Variants in ATP1B1 observed in about 807,000 individuals in gnomAD.
The protein encoded by ATP1B1 is sodium/potassium-transporting ATPase subunit beta-1.
Under a neutral mutation model 39.6 loss-of-function variants are expected in ATP1B1, and 3 were observed. The observed-to-expected ratio is 0.08, with a 90% CI of 0.03 to 0.20. The LOEUF (loss-of-function observed/expected upper bound fraction) is 0.20, where lower values mean the gene tolerates loss of function less well. ATP1B1 is among the 10% of genes least tolerant of loss of function. ATP1B1 has a pLI of 1.00. For synonymous variants in ATP1B1, 139 were observed against 135.0 expected (o/e 1.03, Z -0.20); for missense variants, 216 against 371.1 (o/e 0.58, Z 3.43).
Position 169,131,228 on chromosome 1 carries a change from T to TGGGCGCCG in ATP1B1, c.649-64_649-63insGGGCGCCG. On this transcript the variant is annotated intron_variant, in intron 5 of 5. Coordinates refer to ENST00000367815, the MANE Select transcript of ATP1B1 (RefSeq NM_001677.4). The surrounding 1 kb of genome is among the most constrained non-coding windows in gnomAD (Gnocchi z 4.4). ...AACTACTGTGTAGATTGAGTCTTGT[T>TGGGCGCCG]TTTGAGTACACATAGTGATGCATGA... 6.6e-7 allele frequency: 1 copy of TGGGCGCCG among 1,519,040 alleles called. No homozygotes were observed. Among genetic ancestry groups the TGGGCGCCG allele is most frequent in the East Asian group, 2.3e-5 (1 of 42,802 alleles). The allele number at this position is 1,519,040 out of a possible 1,614,324, so 94.1% of individuals were successfully genotyped here. A position where few individuals can be genotyped will look rare whatever the true frequency, so the allele number is the denominator to read the frequency against.
intron 2 of ATP1B1, among the ~76,000 whole-genome samples, chr1:169,113,970 CG>C (rs1342857748): frequency 6.6e-6 from 1 of 151,934 alleles, no homozygotes; most frequent in African/African-American, 2.4e-5. Flanking sequence ...TGGGGTTTTT[CG>C]GGGGCCTTTA....
Position 169,132,042 on chromosome 1 carries a change from G to GC in ATP1B1, c.*487_*488insC. On this transcript the variant is annotated 3_prime_UTR_variant, in exon 6 of 6. Transcript: ENST00000367815. Reference sequence around the variant, plus strand: ...TAATTTTTTTTTTTTTTTTTTTTTTGTTTTTTGGCTCTTTCAAAGGTAATG... The same window carrying GC: ...TAATTTTTTTTTTTTTTTTTTTTTTGCTTTTTTGGCTCTTTCAAAGGTAATG... 1.9e-5 allele frequency: 2 copies of GC among 107,388 alleles called. No homozygotes were observed. The highest frequency in any genetic ancestry group is 3.6e-5 in the Non-Finnish European group (2 of 55,092). The allele number at this position is 107,388 out of a possible 1,614,324, so 6.7% of individuals were successfully genotyped here. A position where few individuals can be genotyped will look rare whatever the true frequency, so the allele number is the denominator to read the frequency against.
chr1:169,122,912 T>G (rs1382294359), intron 2 of ATP1B1, among the ~76,000 whole-genome samples: 1 of 152,166 alleles, frequency 6.6e-6, no homozygotes, highest in African/African-American at 2.4e-5. Context: ...GTTAATGTCC[T>G]TAAGTCCTTT....
rs1658212237 is a variant in ATP1B1, at chr1:169,131,208, C to T, written c.649-84C>T. On this transcript the variant is annotated intron_variant, in intron 5 of 5. Transcript: ENST00000367815. This position sits in a 1 kb window ranked among gnomAD's most constrained non-coding sequence, Gnocchi z 4.4. ...TCCTCTCTCAGTAGTTTGCAAACTA[C>T]TGTGTAGATTGAGTCTTGTTTTTGA... 6.6e-7 allele frequency: 1 copy of T among 1,525,870 alleles called. No homozygotes were observed. The highest frequency in any genetic ancestry group is 1.4e-5 in the African/African-American group (1 of 72,714). 94.5% of individuals were successfully genotyped at this position (1,525,870 alleles called of 1,614,324 possible). A position where few individuals can be genotyped will look rare whatever the true frequency, so the allele number is the denominator to read the frequency against.
At chr1:169,110,751 G>T in intron 1 of ATP1B1, 2 of 1,124,436 alleles carry the variant, frequency 1.8e-6, no homozygotes, top group South Asian at 2.7e-5. Flanking sequence ...CCCTTGTCTT[G>T]TCCTCCGAGG....
chr1:169,124,809 G>C, intron 2 of ATP1B1, 75 bp from the exon 3 acceptor site: 1 of 1,514,918 alleles, frequency 6.6e-7, no homozygotes, highest in Non-Finnish European at 9.0e-7. Context: ...AGTATGTTTT[G>C]TATGTGGAAA....
chr1:169,111,575 T>C (rs1369095555), intron 2 of ATP1B1, 77 bp downstream of exon 2: 1 of 1,553,474 alleles, frequency 6.4e-7, no homozygotes, highest in African/African-American at 1.4e-5. Flanking sequence ...AAAAATTCTT[T>C]GGAAAATTAC....
chr1:169,120,812 C>T (rs1174970373), intron 2 of ATP1B1, among the ~76,000 whole-genome samples: 3 of 152,184 alleles, frequency 2.0e-5, no homozygotes, highest in East Asian at 1.9e-4. Context: ...TTATTTGCCC[C>T]GTCTAGAGAG....
chr1:169,113,318 G>A (rs1018867099), intron 2 of ATP1B1, among the ~76,000 whole-genome samples: 3 of 151,990 alleles, frequency 2.0e-5, no homozygotes, highest in Non-Finnish European at 4.4e-5. Flanking sequence ...CACCCACTTC[G>A]GCCTCCCAAA....
In ATP1B1 at chr1:169,131,147, C is replaced by A; in HGVS notation, c.649-145C>A. 9.2e-7 allele frequency: 1 copy of A among 1,081,492 alleles called. No homozygotes were observed. The highest frequency in any genetic ancestry group is 1.3e-6 in the Non-Finnish European group (1 of 752,322). 67.0% of individuals were successfully genotyped at this position (1,081,492 alleles called of 1,614,324 possible). Reference sequence around the variant, plus strand: ...ATAGTCTCTTCTTATGACCATTTCTCAAGGCTGCAATGGAATAGACTGAGT... The same window carrying A: ...ATAGTCTCTTCTTATGACCATTTCTAAAGGCTGCAATGGAATAGACTGAGT... On this transcript the variant is annotated intron_variant, in intron 5 of 5. Coordinates refer to ENST00000367815, the MANE Select transcript of ATP1B1 (RefSeq NM_001677.4). This position sits in a 1 kb window ranked among gnomAD's most constrained non-coding sequence, Gnocchi z 4.4.
intron 1 of ATP1B1, chr1:169,110,774 C>A: frequency 2.0e-6 from 2 of 982,748 alleles, no homozygotes; most frequent in Non-Finnish European, 1.4e-6. Context: ...AAAGAGTGTG[C>A]TTTGTTGATA....
chr1:169,112,419 A>G (rs1003497919), intron 2 of ATP1B1, among the ~76,000 whole-genome samples: 1 of 152,234 alleles, frequency 6.6e-6, no homozygotes, highest in African/African-American at 2.4e-5. Flanking sequence ...AGTGTTGCAT[A>G]ACTTCCGGGC....
intron 3 of ATP1B1, among the ~76,000 whole-genome samples, chr1:169,125,403 A>G (rs1442270589): frequency 6.6e-6 from 1 of 152,204 alleles, no homozygotes; most frequent in Non-Finnish European, 1.5e-5. Flanking sequence ...AAGAGTGCAC[A>G]GGGCCTTCTC....
intron 4 of ATP1B1, 107 bp downstream of exon 4, chr1:169,127,515 C>A: frequency 8.1e-7 from 1 of 1,237,998 alleles, no homozygotes; most frequent in Non-Finnish European, 1.1e-6. Context: ...TCAGTGCTGA[C>A]TTTGAAACGT....
At position 169,132,019 on chromosome 1, in the gene ATP1B1, A is replaced by ATTTTTTTTTTTTT. The variant is rs34447553; in HGVS notation, c.*474_*486dup. 67 of 190,928 alleles carry ATTTTTTTTTTTTT rather than the reference A, an allele frequency of 3.5e-4. No individual in the cohort carries two copies. The highest frequency in any genetic ancestry group is 1.4e-3 in the South Asian group (26 of 19,110). The allele number at this position is 190,928 out of a possible 1,614,324, so 11.8% of individuals were successfully genotyped here. A position where few individuals can be genotyped will look rare whatever the true frequency, so the allele number is the denominator to read the frequency against. ...CAACGGGAATAAAACTGGCATGGTA[A>ATTTTTTTTTTTTT]TTTTTTTTTTTTTTTTTTTTTTGTT... On this transcript the variant is annotated 3_prime_UTR_variant, in exon 6 of 6. Coordinates refer to ENST00000367815, the MANE Select transcript of ATP1B1 (RefSeq NM_001677.4).
chr1:169,128,080 A>G (rs1420074254), intron 4 of ATP1B1, among the ~76,000 whole-genome samples: 1 of 152,170 alleles, frequency 6.6e-6, no homozygotes. Context: ...TATATTCTCC[A>G]TAAGAATGGA....
chr1:169,114,456 G>A (rs904076730), intron 2 of ATP1B1, among the ~76,000 whole-genome samples: 1 of 152,082 alleles, frequency 6.6e-6, no homozygotes, highest in African/African-American at 2.4e-5. Flanking sequence ...AGCCTGACTG[G>A]GTATTGACTG....
chr1:169,130,570 T>C (rs1372641809), intron 5 of ATP1B1, among the ~76,000 whole-genome samples: 1 of 151,914 alleles, frequency 6.6e-6, no homozygotes, highest in Non-Finnish European at 1.5e-5. Flanking sequence ...GGGCAGATAA[T>C]GAGGTCAAGA....
In ATP1B1 at chr1:169,106,736, C is replaced by T. The variant is rs1657598446; in HGVS notation, c.-94C>T. ...GCGGCGCGTCCTGCCTGCAGAGAGC[C>T]AGGCCGGAGAAGCCGAGCGGCGCAG... On this transcript the variant is annotated 5_prime_UTR_variant, in exon 1 of 6. Transcript: ENST00000367815. The T allele has an allele frequency of 3.9e-6, 4 of 1,024,898 alleles. No homozygotes were observed. In the South Asian group the frequency reaches 7.0e-5, roughly 18 times the overall value. 63.5% of individuals were successfully genotyped at this position (1,024,898 alleles called of 1,614,324 possible). A position where few individuals can be genotyped will look rare whatever the true frequency, so the allele number is the denominator to read the frequency against.
Sources: allele counts gnomAD v4.1 joint callset (sites outside exome capture counted in the v4.1 genomes callset), GRCh38; gene constraint gnomAD v4.1.1; non-coding constraint Gnocchi (gnomAD v3.1); transcripts MANE v1.5; gene names NCBI Gene and HGNC (gene_info 2026-07-23, HGNC 2026-07-21).